The following LRRC7 variants were observed in gnomAD, a reference collection of about 807,000 sequenced individuals.
LRRC7 encodes the protein leucine-rich repeat-containing protein 7.
In LRRC7, 23 loss-of-function variants were observed where a neutral mutation model predicts 175.7. The ratio of observed to expected loss-of-function variants is 0.13; its 90% confidence interval spans 0.09 to 0.19. LRRC7 has a LOEUF of 0.19. LRRC7 is among the 10% of genes least tolerant of loss of function. The probability of loss-of-function intolerance (pLI) is 1.00; values close to 1 mark genes in which losing one functional copy is unlikely to be tolerated. For missense variants in LRRC7, 1,354 were observed against 1,904.7 expected, an observed-to-expected ratio of 0.71 and a Z score of 5.38; for synonymous variants, 685 against 680.9, an observed-to-expected ratio of 1.01 and a Z score of -0.09.
intron 3 of LRRC7, among the ~76,000 whole-genome samples, chr1:69,762,746 G>T (rs992516720): frequency 1.3e-5 from 2 of 151,978 alleles, no homozygotes; most frequent in African/African-American, 4.8e-5. Context: ...GAAATTTTAA[G>T]ATATTTTGTC....
chr1:69,876,285 C>T (rs950115959), intron 7 of LRRC7, among the ~76,000 whole-genome samples: 2 of 152,106 alleles, frequency 1.3e-5, no homozygotes, highest in Non-Finnish European at 2.9e-5. Context: ...CCAAAACTGG[C>T]AGATCTAAAT....
chr1:69,678,737 G>A (rs536698857), intron 2 of LRRC7, among the ~76,000 whole-genome samples: 1 of 152,086 alleles, frequency 6.6e-6, no homozygotes, highest in Non-Finnish European at 1.5e-5. Context: ...ATGGGAAAAG[G>A]CTGTACAGTC....
In LRRC7 at chr1:69,946,491, T is replaced by C. The variant is rs780226736; in HGVS notation, c.711+14921T>C. On this transcript the variant is annotated intron_variant, in intron 8 of 26. Coordinates refer to ENST00000651989, the MANE Select transcript of LRRC7 (RefSeq NM_001370785.2). ...GGAATGTTCTAGCCATTGTTGAAAG[T>C]AGAATATTGAAGTCCCTTACTCATA... Among the ~76,000 whole-genome samples the C allele has an allele frequency of 1.1e-4, 16 of 152,132 alleles. 1 individual carries two copies. Among genetic ancestry groups the C allele is most frequent in the Non-Finnish European group, 1.5e-4 (10 of 68,028 alleles).
chr1:69,807,984 C>A (rs1204536358), intron 4 of LRRC7, among the ~76,000 whole-genome samples: 2 of 151,630 alleles, frequency 1.3e-5, no homozygotes, highest in Non-Finnish European at 2.9e-5. Flanking sequence ...TTCTTGGAGG[C>A]TTTGTTCATT....
rs754971717 is a variant in LRRC7, at chr1:69,717,770, A to AAAAGAAAGAAAG, written c.100+39352_100+39363dup. Among the ~76,000 whole-genome samples, 5 of 42,422 alleles carry AAAAGAAAGAAAG rather than the reference A, an allele frequency of 1.2e-4. No individual in the cohort carries two copies. In the East Asian group the frequency reaches 1.7e-3, roughly 14 times the overall value. 27.8% of individuals were successfully genotyped at this position (42,422 alleles called of 152,430 possible). On this transcript the variant is annotated intron_variant, in intron 2 of 26. Coordinates refer to ENST00000651989, the MANE Select transcript of LRRC7 (RefSeq NM_001370785.2). ...GATATTGGAACATGAAAAAAAGAAA[A>AAAAGAAAGAAAG]AAAGAAAGAAAGAAAGAAAGAAAGA...
At chr1:69,980,344 T>C (rs1293821211) in intron 8 of LRRC7, 35 bp from the exon 9 acceptor site, 1 of 1,518,588 alleles carries the variant, frequency 6.6e-7, no homozygotes, top group African/African-American at 1.4e-5. Flanking sequence ...TTTAATTTTG[T>C]TTTCCTCTCT....
In LRRC7 at chr1:70,128,620, G is replaced by A. The variant is rs994294232; in HGVS notation, c.*6733G>A. 5.3e-5 allele frequency: 8 copies of A among 151,926 alleles called. No individual in the cohort carries two copies. Among genetic ancestry groups the A allele is most frequent in the African/African-American group, 1.7e-4 (7 of 41,360 alleles). 9.4% of individuals were successfully genotyped at this position (151,926 alleles called of 1,614,324 possible). A position where few individuals can be genotyped will look rare whatever the true frequency, so the allele number is the denominator to read the frequency against. ...AAACATTTGGAGACATTTCATTGAAGAATATAACAAAAACATTAAATATTA... is the reference window on the plus strand; with the variant it reads ...AAACATTTGGAGACATTTCATTGAAAAATATAACAAAAACATTAAATATTA... On this transcript the variant is annotated 3_prime_UTR_variant, in exon 27 of 27. Transcript: ENST00000651989.
chr1:69,870,468 G>T (rs1009823553), intron 7 of LRRC7, among the ~76,000 whole-genome samples: 1 of 152,042 alleles, frequency 6.6e-6, no homozygotes, highest in East Asian at 1.9e-4. Context: ...CTTTGAGATT[G>T]AATTAAAAAA....
At chr1:69,972,960 TATA>T (rs1041363774) in intron 8 of LRRC7, among the ~76,000 whole-genome samples, 18 of 145,598 alleles carry the variant, frequency 1.2e-4, no homozygotes, top group African/African-American at 4.2e-4. Context: ...ATACTATATA[TATA>T]ATACTATATA....
intron 7 of LRRC7, among the ~76,000 whole-genome samples, chr1:69,900,652 T>G (rs1646110218): frequency 6.6e-6 from 1 of 152,200 alleles, no homozygotes; most frequent in Non-Finnish European, 1.5e-5. Context: ...TGAGCATCAC[T>G]AATATGAAAA....
At chr1:70,082,035 A>G (rs1663247252) in intron 24 of LRRC7, among the ~76,000 whole-genome samples, 1 of 152,218 alleles carries the variant, frequency 6.6e-6, no homozygotes, top group Non-Finnish European at 1.5e-5. Flanking sequence ...TTAATACTTA[A>G]TATTATGTGG....
chr1:69,828,616 CAATT>C (rs1190080110), intron 5 of LRRC7, among the ~76,000 whole-genome samples: 1 of 151,900 alleles, frequency 6.6e-6, no homozygotes, highest in African/African-American at 2.4e-5. Context: ...GTTGTTAAAA[CAATT>C]AATAGATTAG....
chr1:69,592,552 T>C (rs1236734545), intron 1 of LRRC7, among the ~76,000 whole-genome samples: 2 of 152,130 alleles, frequency 1.3e-5, no homozygotes, highest in Non-Finnish European at 2.9e-5. Flanking sequence ...GAAGATCGCC[T>C]GATTTGAGTG....
At chr1:70,013,668 A>C (rs1282581052) in intron 13 of LRRC7, among the ~76,000 whole-genome samples, 1 of 151,940 alleles carries the variant, frequency 6.6e-6, no homozygotes, top group Non-Finnish European at 1.5e-5. Context: ...TGCAAACCTC[A>C]ATTCATCTTT....
At chr1:69,924,652 AT>A (rs933048481) in intron 7 of LRRC7, among the ~76,000 whole-genome samples, 4 of 152,146 alleles carry the variant, frequency 2.6e-5, no homozygotes, top group Admixed American at 2.0e-4. Flanking sequence ...TTGATTTTAT[AT>A]CCTGAGACTT....
At chr1:70,066,697 G>A (rs1006321290) in intron 23 of LRRC7, among the ~76,000 whole-genome samples, 3 of 151,974 alleles carry the variant, frequency 2.0e-5, no homozygotes, top group African/African-American at 7.2e-5. Flanking sequence ...ACATCTGTGC[G>A]CACCTTTTTG....
chr1:69,682,318 A>G (rs1660587752), intron 2 of LRRC7, among the ~76,000 whole-genome samples: 1 of 152,042 alleles, frequency 6.6e-6, no homozygotes, highest in Admixed American at 6.6e-5. Context: ...GCCATATTTT[A>G]TTGTCCAGAA....
At position 69,913,509 on chromosome 1, in the gene LRRC7, C is replaced by CT. The variant is rs1011582709; in HGVS notation, c.648-17989dup. 2.1e-4 allele frequency among the ~76,000 whole-genome samples: 32 copies of CT among 150,862 alleles called. 1 individual carries two copies. The highest frequency in any genetic ancestry group is 6.3e-4 in the South Asian group (3 of 4,756). On this transcript the variant is annotated intron_variant, in intron 7 of 26. Coordinates refer to ENST00000651989, the MANE Select transcript of LRRC7 (RefSeq NM_001370785.2). ...CATAATGAGGTGTTCCAGAAGTTTC[C>CT]TTTTTTTTTGTTTTTTGTGAGATGG...
At chr1:69,578,533 G>A (rs1412192919) in intron 1 of LRRC7, among the ~76,000 whole-genome samples, 1 of 148,408 alleles carries the variant, frequency 6.7e-6, no homozygotes, top group Non-Finnish European at 1.5e-5. Context: ...CAAAGACTTG[G>A]AACCAACCCA....
Sources: gnomAD v4.1 joint callset for allele counts (sites outside exome capture counted in the v4.1 genomes callset) on GRCh38, gnomAD v4.1.1 for gene constraint, MANE v1.5 for transcripts, NCBI Gene and HGNC (gene_info 2026-07-23, HGNC 2026-07-21) for gene names.